The following FHOD3 variants were observed in gnomAD, a reference collection of about 807,000 sequenced individuals.
The protein encoded by FHOD3 is FH1/FH2 domain-containing protein 3.
FHOD3 carries 90 observed loss-of-function variants against 173.0 expected under a neutral mutation model. The ratio of observed to expected loss-of-function variants is 0.52; its 90% CI spans 0.44 to 0.62. FHOD3 has a LOEUF of 0.62. FHOD3 is among the 20% of genes least tolerant of loss of function. The probability of loss-of-function intolerance (pLI) is 0.00; values close to 1 mark genes in which losing one functional copy is unlikely to be tolerated. For missense variants in FHOD3, 1,945 were observed against 2,034.7 expected, an observed-to-expected ratio of 0.96 and a Z score of 0.85; for synonymous variants, 828 against 823.0, an observed-to-expected ratio of 1.01 and a Z score of -0.10.
At chr18:36,456,967 AC>A in intron 3 of FHOD3, among the ~76,000 whole-genome samples, 1 of 152,182 alleles carries the variant, frequency 6.6e-6, no homozygotes, top group Non-Finnish European at 1.5e-5. Context: ...CCTGTTTAGC[AC>A]CTGCATCTTT....
At chr18:36,754,106 C>A (rs1291972163) in intron 24 of FHOD3, among the ~76,000 whole-genome samples, 1 of 152,172 alleles carries the variant, frequency 6.6e-6, no homozygotes, top group Non-Finnish European at 1.5e-5. Context: ...GCACATTAAT[C>A]CAAAGTCATG....
In FHOD3 at chr18:36,533,283, G is replaced by A. The variant is rs151060122; in HGVS notation, c.511+20740G>A. On this transcript the variant is annotated intron_variant, in intron 5 of 28. Coordinates refer to ENST00000590592, the MANE Select transcript of FHOD3 (RefSeq NM_001281740.3). Reference sequence around the variant, plus strand: ...TGTTAAATAGATGAGCATGTGCGACGCATTTGGATGCATCGCGGCTTGTAG... The same window carrying A: ...TGTTAAATAGATGAGCATGTGCGACACATTTGGATGCATCGCGGCTTGTAG... Among the ~76,000 whole-genome samples the A allele has an allele frequency of 1.1e-4, 16 of 152,332 alleles. No homozygotes were observed. In the East Asian group the frequency reaches 2.1e-3, roughly 20 times the overall value.
At chr18:36,335,322 C>T (rs1325196502) in intron 1 of FHOD3, among the ~76,000 whole-genome samples, 11 of 151,694 alleles carry the variant, frequency 7.3e-5, no homozygotes, top group South Asian at 6.3e-4. Flanking sequence ...GGTGAAACCC[C>T]GTCTCTACTA....
chr18:36,565,240 T>G (rs983307906), intron 5 of FHOD3, among the ~76,000 whole-genome samples: 4 of 152,178 alleles, frequency 2.6e-5, no homozygotes, highest in East Asian at 1.9e-4. Context: ...CAAATCCAGT[T>G]CAGAGTTAAG....
chr18:36,675,490 C>A (rs905344019), intron 14 of FHOD3, among the ~76,000 whole-genome samples: 4 of 152,310 alleles, frequency 2.6e-5, no homozygotes, highest in African/African-American at 9.6e-5. Flanking sequence ...TCTCCCAGTG[C>A]ACAGCCCTGA....
chr18:36,454,733 CT>C (rs756983896), intron 3 of FHOD3, among the ~76,000 whole-genome samples: 3 of 152,048 alleles, frequency 2.0e-5, no homozygotes, highest in Non-Finnish European at 2.9e-5. Context: ...TTCATCTCCC[CT>C]GACCCCTTTT....
At chr18:36,457,621 C>T (rs1156415763) in intron 3 of FHOD3, among the ~76,000 whole-genome samples, 1 of 151,364 alleles carries the variant, frequency 6.6e-6, no homozygotes, top group Admixed American at 6.6e-5. Context: ...AAGAGTTGAC[C>T]AATCTTGCCT....
At chr18:36,760,806 C>T in intron 27 of FHOD3, 24 bp downstream of exon 27, 2 of 1,588,796 alleles carry the variant, frequency 1.3e-6, no homozygotes, top group Non-Finnish European at 1.7e-6. Flanking sequence ...GCGCGGGGCT[C>T]GTCTTGTCTT....
At chr18:36,304,899 C>T (rs1330513566) in intron 1 of FHOD3, among the ~76,000 whole-genome samples, 1 of 152,180 alleles carries the variant, frequency 6.6e-6, no homozygotes, top group Non-Finnish European at 1.5e-5. Flanking sequence ...GCCTGCATAG[C>T]CACACTGGGG....
chr18:36,467,472 C>T lies in FHOD3; in HGVS notation c.338-34460C>T, dbSNP rs8098810. Among the ~76,000 whole-genome samples the T allele has an allele frequency of 3.8e-3, 583 of 152,212 alleles. 1 individual carries two copies. Among genetic ancestry groups the T allele is most frequent in the African/African-American group, 0.013 (553 of 41,546 alleles). ...CTAGAAGCTCTCCAGCTTGGGGTCC[C>T]CTTCTTCCCTTCCAGGGCAGAGGCA... On this transcript the variant is annotated intron_variant, in intron 3 of 28. Transcript: ENST00000590592.
rs569559628 is a variant in FHOD3, at chr18:36,760,868, A to G, written c.4624+86A>G. The G allele has an allele frequency of 4.4e-5, 61 of 1,391,840 alleles. No homozygotes were observed. The East Asian group carries it at 1.5e-3, about 35-fold the overall frequency. 86.2% of individuals were successfully genotyped at this position (1,391,840 alleles called of 1,614,324 possible). On this transcript the variant is annotated intron_variant, in intron 27 of 28. Transcript: ENST00000590592. ...CGGTCTCCATCGCAGGCTGCGGTCC[A>G]CGGCTGTGACTGGCCCTCGGCTCCA...
chr18:36,479,360 C>T (rs888803242), intron 3 of FHOD3, among the ~76,000 whole-genome samples: 8 of 152,242 alleles, frequency 5.3e-5, no homozygotes, highest in South Asian at 2.1e-4. Flanking sequence ...ATAATAAACC[C>T]GGGTCCCGGA....
chr18:36,510,284 A>G (rs749976511), intron 4 of FHOD3, among the ~76,000 whole-genome samples: 4 of 152,236 alleles, frequency 2.6e-5, no homozygotes, highest in Non-Finnish European at 5.9e-5. Context: ...TCTGAAACCA[A>G]TGTTTTAAAA....
intron 2 of FHOD3, among the ~76,000 whole-genome samples, chr18:36,362,687 A>G (rs1163904906): frequency 6.6e-6 from 1 of 152,164 alleles, no homozygotes; most frequent in South Asian, 2.1e-4. Context: ...GAAAGTTAGC[A>G]GTCACCCAGG....
chr18:36,606,257 G>A (rs2644249), intron 8 of FHOD3, among the ~76,000 whole-genome samples: 109,061 of 152,018 alleles, frequency 0.72, 39,470 homozygotes, highest in South Asian at 0.87. Context: ...TAAAGAAATC[G>A]ATTTCTCACA....
intron 10 of FHOD3, among the ~76,000 whole-genome samples, chr18:36,640,656 T>G (rs1413373882): frequency 1.3e-5 from 2 of 152,202 alleles, no homozygotes; most frequent in Non-Finnish European, 2.9e-5. Context: ...TTAAGACGGC[T>G]TTTTGACTAG....
chr18:36,655,498 A>AT (rs1273631732), intron 13 of FHOD3, among the ~76,000 whole-genome samples: 1 of 152,200 alleles, frequency 6.6e-6, no homozygotes, highest in Non-Finnish European at 1.5e-5. Context: ...GGAAAAAAAA[A>AT]GCTGCTTGCT....
intron 2 of FHOD3, among the ~76,000 whole-genome samples, chr18:36,358,894 A>G (rs2046482572): frequency 6.6e-6 from 1 of 152,080 alleles, no homozygotes; most frequent in Admixed American, 6.5e-5. Flanking sequence ...TTAGCCTCTC[A>G]AAGTGTTGGA....
Position 36,757,378 on chromosome 18 carries a change from T to C in FHOD3, c.4426-1740T>C, listed in dbSNP as rs78406196. On this transcript the variant is annotated intron_variant, in intron 25 of 28. Coordinates refer to ENST00000590592, the MANE Select transcript of FHOD3 (RefSeq NM_001281740.3). ...GCCTTGGGTTTTTCCAACTCAATTA[T>C]TAAGGGCTCATTGTGCATCCAGCAG... Among the ~76,000 whole-genome samples the C allele has an allele frequency of 3.1e-3, 471 of 152,286 alleles. 16 individuals carry two copies. The East Asian group carries it at 0.073, about 24-fold the overall frequency.
Sources: allele counts gnomAD v4.1 joint callset (sites outside exome capture counted in the v4.1 genomes callset), GRCh38; gene constraint gnomAD v4.1.1; transcripts MANE v1.5; gene names NCBI Gene and HGNC (gene_info 2026-07-23, HGNC 2026-07-21).